Variants in PDE1A observed in about 807,000 individuals in gnomAD.
PDE1A encodes dual specificity calcium/calmodulin-dependent 3',5'-cyclic nucleotide phosphodiesterase 1A.
A neutral mutation model predicts 61.7 loss-of-function variants in PDE1A; 35 were observed. The observed-to-expected ratio is 0.57, with a 90% CI of 0.43 to 0.75. The LOEUF is 0.75. Ranked by LOEUF, PDE1A falls within the 30% of genes least tolerant of loss-of-function variation. The probability of loss-of-function intolerance (pLI) is 0.00; values close to 1 mark genes in which losing one functional copy is unlikely to be tolerated. For missense variants in PDE1A, 597 were observed against 630.6 expected, an observed-to-expected ratio of 0.95 and a Z score of 0.57; for synonymous variants, 232 against 213.2, an observed-to-expected ratio of 1.09 and a Z score of -0.77.
the PDE1A span, among the ~76,000 whole-genome samples, chr2:182,689,702 G>A: frequency 6.6e-6 from 1 of 152,122 alleles, no homozygotes; most frequent in Non-Finnish European, 1.5e-5. Flanking sequence ...AGGAGATAGA[G>A]ACACAAAAAA....
intron 1 of PDE1A, among the ~76,000 whole-genome samples, chr2:182,387,103 G>T (rs988771890): frequency 1.3e-5 from 2 of 152,196 alleles, no homozygotes; most frequent in African/African-American, 2.4e-5. Flanking sequence ...GGATGCTGTT[G>T]ATCTATGACC....
At chr2:182,579,521 T>C in the PDE1A span, among the ~76,000 whole-genome samples, 1 of 152,250 alleles carries the variant, frequency 6.6e-6, no homozygotes. Context: ...TGAAGATTTC[T>C]TCTGCAAGGG....
At chr2:182,455,862 A>C (rs1227601175) in intron 2 of PDE1A, among the ~76,000 whole-genome samples, 1 of 152,124 alleles carries the variant, frequency 6.6e-6, no homozygotes, top group Middle Eastern at 3.4e-3. Context: ...CATATGTAAC[A>C]AACCTGCACA....
At chr2:182,463,369 CT>C (rs1250616452) in intron 2 of PDE1A, among the ~76,000 whole-genome samples, 1 of 152,052 alleles carries the variant, frequency 6.6e-6, no homozygotes, top group African/African-American at 2.4e-5. Flanking sequence ...CTCTCACCCC[CT>C]GGAATGCTAC....
intron 1 of PDE1A, among the ~76,000 whole-genome samples, chr2:182,277,734 G>A (rs1029325106): frequency 2.6e-5 from 4 of 152,078 alleles, no homozygotes; most frequent in African/African-American, 9.7e-5. Flanking sequence ...ATTCTTAAGT[G>A]AAGTTTTTCT....
At chr2:182,467,952 A>G (rs1686780296) in intron 2 of PDE1A, among the ~76,000 whole-genome samples, 1 of 152,056 alleles carries the variant, frequency 6.6e-6, no homozygotes. Context: ...GTGAAATAAC[A>G]TTATGCCTAA....
chr2:182,693,826 T>C, the PDE1A span, among the ~76,000 whole-genome samples: 2 of 152,052 alleles, frequency 1.3e-5, no homozygotes, highest in African/African-American at 4.8e-5. Flanking sequence ...TTTGTATTTT[T>C]AGTAGAGACA....
At chr2:182,263,307 T>G (rs1274076422) in intron 2 of PDE1A, among the ~76,000 whole-genome samples, 3 of 152,176 alleles carry the variant, frequency 2.0e-5, no homozygotes, top group Non-Finnish European at 4.4e-5. Context: ...GGGGACCATT[T>G]GTGGGTCCTT....
chr2:182,479,943 T>C (rs1047177411), intron 2 of PDE1A, among the ~76,000 whole-genome samples: 6 of 151,872 alleles, frequency 4.0e-5, no homozygotes, highest in Non-Finnish European at 8.8e-5. Context: ...AATTATTCTA[T>C]CATATCTGTT....
the PDE1A span, among the ~76,000 whole-genome samples, chr2:182,635,667 A>G: frequency 1.0e-5 from 1 of 97,128 alleles, no homozygotes; most frequent in African/African-American, 3.8e-5. Context: ...TTGTTTTAAG[A>G]GTATCTATCT....
intron 2 of PDE1A, among the ~76,000 whole-genome samples, chr2:182,444,155 T>C (rs768794025): frequency 5.3e-5 from 8 of 152,170 alleles, no homozygotes; most frequent in Admixed American, 1.3e-4. Context: ...TGGACGACTT[T>C]CAGTTCACCT....
the PDE1A span, among the ~76,000 whole-genome samples, chr2:182,559,530 T>C: frequency 6.6e-6 from 1 of 152,150 alleles, no homozygotes; most frequent in Non-Finnish European, 1.5e-5. Context: ...ATTGCTTGTA[T>C]AAACGTAAAT....
At chr2:182,389,011 TA>T (rs1701274455) in intron 1 of PDE1A, among the ~76,000 whole-genome samples, 1 of 152,012 alleles carries the variant, frequency 6.6e-6, no homozygotes, top group African/African-American at 2.4e-5. Flanking sequence ...TGAACAATTG[TA>T]AAAGAGGACT....
chr2:182,644,106 T>TTAC, the PDE1A span, among the ~76,000 whole-genome samples: 1 of 142,782 alleles, frequency 7.0e-6, no homozygotes, highest in Non-Finnish European at 1.5e-5. Flanking sequence ...AAGTCAGAGA[T>TTAC]ACCTTCTCTC....
chr2:182,645,516 C>T, the PDE1A span, among the ~76,000 whole-genome samples: 3 of 152,206 alleles, frequency 2.0e-5, no homozygotes, highest in African/African-American at 7.2e-5. Context: ...CCAGAGAACA[C>T]TTATCTTTTT....
chr2:182,702,267 C>A, the PDE1A span, among the ~76,000 whole-genome samples: 1 of 152,124 alleles, frequency 6.6e-6, no homozygotes. Flanking sequence ...CCACACCTGG[C>A]TAATTTTTTA....
At chr2:182,145,798 T>A (rs1415718397), downstream of PDE1A, among the ~76,000 whole-genome samples, 2 of 152,162 alleles carry the variant, frequency 1.3e-5, no homozygotes. Flanking sequence ...GCCTGACACT[T>A]TATTGTTGCT....
At chr2:182,232,207 G>A (rs1689640382) in intron 4 of PDE1A, among the ~76,000 whole-genome samples, 1 of 152,064 alleles carries the variant, frequency 6.6e-6, no homozygotes, top group African/African-American at 2.4e-5. Flanking sequence ...AGAGAGGAGA[G>A]TGAGCAGGGA....
At chr2:182,509,415 A>G (rs1246730876) in intron 2 of PDE1A, among the ~76,000 whole-genome samples, 1 of 152,232 alleles carries the variant, frequency 6.6e-6, no homozygotes, top group Non-Finnish European at 1.5e-5. Flanking sequence ...AACAGATGGC[A>G]GGACTGTGGA....
Sources: gnomAD v4.1 joint callset for allele counts (sites outside exome capture counted in the v4.1 genomes callset) on GRCh38, gnomAD v4.1.1 for gene constraint, MANE v1.5 for transcripts, NCBI Gene and HGNC (gene_info 2026-07-23, HGNC 2026-07-21) for gene names.